The following ASB3 variants were observed in gnomAD, a reference collection of about 807,000 sequenced individuals.
ASB3 encodes ankyrin repeat and SOCS box containing 3, also known as ankyrin repeat and SOCS box protein 3.
Under a neutral mutation model 54.5 loss-of-function variants are expected in ASB3, and 41 were observed. The observed-to-expected ratio is 0.75, with a 90% confidence interval of 0.59 to 0.98. The LOEUF is 0.98. Ranked by LOEUF, ASB3 falls within the 50% of genes least tolerant of loss-of-function variation. The pLI is 0.00. For synonymous variants in ASB3, 266 were observed against 221.2 expected (o/e 1.20, Z -1.80); for missense variants, 733 against 620.0 (o/e 1.18, Z -1.94).
intron 5 of ASB3, among the ~76,000 whole-genome samples, chr2:53,721,598 G>C (rs1223243055): frequency 6.6e-6 from 1 of 151,706 alleles, no homozygotes; most frequent in Non-Finnish European, 1.5e-5. Flanking sequence ...AAACAAACTT[G>C]CTCTTGGATA....
intron 1 of ASB3, among the ~76,000 whole-genome samples, chr2:53,784,236 C>G (rs1271543001): frequency 1.3e-5 from 2 of 152,172 alleles, no homozygotes; most frequent in African/African-American, 4.8e-5. Flanking sequence ...GCATAAAAGA[C>G]TTGTACTGAT....
At chr2:53,690,031 T>C (rs1668825755) in intron 9 of ASB3, among the ~76,000 whole-genome samples, 8 of 149,164 alleles carry the variant, frequency 5.4e-5, no homozygotes, top group Admixed American at 4.7e-4. Flanking sequence ...CCAGGAGGAG[T>C]TCAAGAGCAG....
intron 8 of ASB3, among the ~76,000 whole-genome samples, chr2:53,699,720 T>C (rs1306737736): frequency 1.3e-5 from 2 of 151,728 alleles, no homozygotes; most frequent in African/African-American, 2.4e-5. Context: ...TGGAGGTTAA[T>C]AGAAAGAGTC....
chr2:53,777,914 A>C (rs1674432206), intron 1 of ASB3, among the ~76,000 whole-genome samples: 1 of 152,186 alleles, frequency 6.6e-6, no homozygotes, highest in Admixed American at 6.5e-5. Flanking sequence ...TGGGAGACCA[A>C]GGCGGGTGGA....
At chr2:53,702,155 T>C (rs1234742478) in intron 7 of ASB3, among the ~76,000 whole-genome samples, 1 of 152,188 alleles carries the variant, frequency 6.6e-6, no homozygotes, top group Non-Finnish European at 1.5e-5. Flanking sequence ...TGCCTTGTAT[T>C]AGAAGGGGCA....
chr2:53,742,343 T>A (rs1671976309), intron 3 of ASB3, among the ~76,000 whole-genome samples: 1 of 152,118 alleles, frequency 6.6e-6, no homozygotes. Context: ...ACTCACATAT[T>A]CCCAAGATGA....
chr2:53,774,595 C>A, intron 1 of ASB3: 1 of 1,175,514 alleles, frequency 8.5e-7, no homozygotes, highest in South Asian at 1.8e-5. Context: ...ACTTAAAGAT[C>A]TTATTTTTAA....
chr2:53,754,832 T>C (rs1223546953), intron 2 of ASB3, among the ~76,000 whole-genome samples: 2 of 152,234 alleles, frequency 1.3e-5, no homozygotes, highest in African/African-American at 4.8e-5. Flanking sequence ...CTCCAAAGTA[T>C]CATTTTAAGA....
At chr2:53,765,897 G>A (rs551704000) in intron 1 of ASB3, among the ~76,000 whole-genome samples, 8 of 151,352 alleles carry the variant, frequency 5.3e-5, no homozygotes, top group African/African-American at 1.9e-4. Context: ...CCACCACAAC[G>A]CATTCTTTGG....
At chr2:53,762,354 T>C (rs1448344058) in intron 2 of ASB3, among the ~76,000 whole-genome samples, 1 of 152,152 alleles carries the variant, frequency 6.6e-6, no homozygotes, top group Non-Finnish European at 1.5e-5. Flanking sequence ...CTAAACCACT[T>C]AGAGGTTAAA....
At chr2:53,765,195 T>C (rs1461866846) in intron 2 of ASB3, among the ~76,000 whole-genome samples, 182 bp downstream of exon 2, 3 of 152,130 alleles carry the variant, frequency 2.0e-5, no homozygotes, top group Non-Finnish European at 1.5e-5. Flanking sequence ...CCAACTAGAG[T>C]ATCATACTAA....
chr2:53,725,077 A>G (rs1670919310), intron 5 of ASB3, among the ~76,000 whole-genome samples: 1 of 152,244 alleles, frequency 6.6e-6, no homozygotes, highest in Non-Finnish European at 1.5e-5. Flanking sequence ...AAAACACAGT[A>G]GATGTACACC....
chr2:53,709,801 G>T (rs1414141890), intron 7 of ASB3, among the ~76,000 whole-genome samples: 1 of 152,098 alleles, frequency 6.6e-6, no homozygotes, highest in African/African-American at 2.4e-5. Flanking sequence ...TTTCCATATT[G>T]AATCAGGGCT....
chr2:53,677,019 T>C (rs1294749438), intron 9 of ASB3, among the ~76,000 whole-genome samples: 1 of 152,202 alleles, frequency 6.6e-6, no homozygotes, highest in East Asian at 1.9e-4. Flanking sequence ...TCCACCCGCC[T>C]CAGCCTCCCA....
chr2:53,729,713 G>C, intron 3 of ASB3, 143 bp from the exon 4 acceptor site: 1 of 647,840 alleles, frequency 1.5e-6, no homozygotes. Flanking sequence ...AATTGTCTTA[G>C]CCCAAATCCA....
chr2:53,768,100 A>G lies in ASB3; in HGVS notation c.-13-2515T>C, dbSNP rs1673620516. The stretch of plus-strand genomic sequence containing the variant: ...ACTCCACACACAGCACCCACACCCT[A>G]GAGAACCACACCTTAGCGCTTCATG... On this transcript the variant is annotated intron_variant, in intron 1 of 9. Transcript: ENST00000263634. The G allele has an allele frequency of 3.3e-6, 5 of 1,526,012 alleles. No individual in the cohort carries two copies. The South Asian group carries it at 5.8e-5, about 18-fold the overall frequency. The allele number at this position is 1,526,012 out of a possible 1,614,324, so 94.5% of individuals were successfully genotyped here. A position where few individuals can be genotyped will look rare whatever the true frequency, so the allele number is the denominator to read the frequency against.
At chr2:53,670,954 G>T (rs138524946) in intron 9 of ASB3, among the ~76,000 whole-genome samples, 368 of 152,274 alleles carry the variant, frequency 2.4e-3, no homozygotes, top group Non-Finnish European at 4.2e-3. Context: ...AAATTCTAAA[G>T]ATCTGTTAAT....
chr2:53,758,105 A>T (rs1370607377), intron 2 of ASB3, among the ~76,000 whole-genome samples: 1 of 152,236 alleles, frequency 6.6e-6, no homozygotes, highest in Non-Finnish European at 1.5e-5. Context: ...AGCCAGGGTA[A>T]ATTTAAAACC....
intron 8 of ASB3, among the ~76,000 whole-genome samples, chr2:53,697,874 T>A (rs1327154065): frequency 1.3e-5 from 2 of 152,290 alleles, no homozygotes; most frequent in Non-Finnish European, 2.9e-5. Context: ...CCCACCCCTA[T>A]GGCGCCCCTA....
Sources: allele counts gnomAD v4.1 joint callset (sites outside exome capture counted in the v4.1 genomes callset), GRCh38; gene constraint gnomAD v4.1.1; transcripts MANE v1.5; gene names NCBI Gene and HGNC (gene_info 2026-07-23, HGNC 2026-07-21).